The following PDE8B variants were observed in gnomAD, a reference collection of about 807,000 sequenced individuals.
The protein encoded by PDE8B is phosphodiesterase 8B, also known as high affinity cAMP-specific and IBMX-insensitive 3',5'-cyclic phosphodiesterase 8B.
Under a neutral mutation model 101.3 loss-of-function variants are expected in PDE8B, and 26 were observed. That is an observed-to-expected ratio of 0.26 (90% CI 0.19 to 0.36). The LOEUF is 0.36. Among genes scored for constraint, PDE8B ranks in the 10% least tolerant of loss-of-function variants. The probability of loss-of-function intolerance (pLI) is 1.00; values close to 1 mark genes in which losing one functional copy is unlikely to be tolerated. For missense variants in PDE8B, 810 were observed against 1,163.1 expected, an observed-to-expected ratio of 0.70 and a Z score of 4.42; for synonymous variants, 424 against 429.3, an observed-to-expected ratio of 0.99 and a Z score of 0.15.
At chr5:77,208,389 A>G (rs1206239002), upstream of PDE8B, among the ~76,000 whole-genome samples, 2 of 152,224 alleles carry the variant, frequency 1.3e-5, no homozygotes, top group Non-Finnish European at 1.5e-5. Flanking sequence ...GAAATGCTAT[A>G]TGCATTATCA....
intron 1 of PDE8B, among the ~76,000 whole-genome samples, chr5:77,225,050 CG>C (rs1752038176): frequency 6.6e-6 from 1 of 152,070 alleles, no homozygotes; most frequent in Non-Finnish European, 1.5e-5. Flanking sequence ...CTCTTGGAGA[CG>C]TTAGCAGCCA....
At chr5:77,205,878 C>T (rs1747462860), upstream of PDE8B, among the ~76,000 whole-genome samples, 1 of 152,026 alleles carries the variant, frequency 6.6e-6, no homozygotes, top group Non-Finnish European at 1.5e-5. Context: ...TTTGTTGAGC[C>T]ATTCCCTAAG....
At chr5:77,106,922 T>C in the PDE8B span, among the ~76,000 whole-genome samples, 530 of 152,220 alleles carry the variant, frequency 3.5e-3, 8 homozygotes, top group African/African-American at 0.012. Flanking sequence ...ATTATTATAC[T>C]TTAAGTTCTA....
intron 12 of PDE8B, 32 bp from the exon 13 acceptor site, chr5:77,407,349 A>C (rs1793678458): frequency 1.3e-6 from 2 of 1,591,974 alleles, no homozygotes; most frequent in East Asian, 4.5e-5. Flanking sequence ...GAGCCACCGG[A>C]ACTGGACACA....
chr5:77,330,836 G>T (rs1393686578), intron 4 of PDE8B, among the ~76,000 whole-genome samples: 1 of 152,188 alleles, frequency 6.6e-6, no homozygotes, highest in African/African-American at 2.4e-5. Flanking sequence ...AGACTCAGCA[G>T]TAAGCTCACT....
intron 1 of PDE8B, among the ~76,000 whole-genome samples, chr5:77,237,711 A>G (rs1177014245): frequency 6.6e-6 from 1 of 152,172 alleles, no homozygotes; most frequent in Non-Finnish European, 1.5e-5. Flanking sequence ...TGATGTTCCA[A>G]GTTTTCTCCT....
At chr5:77,396,307 A>G (rs763626851) in intron 10 of PDE8B, among the ~76,000 whole-genome samples, 31 of 152,172 alleles carry the variant, frequency 2.0e-4, no homozygotes, top group Admixed American at 3.9e-4. Context: ...CCCTTTGTAG[A>G]TAGCTTTGAG....
intron 1 of PDE8B, among the ~76,000 whole-genome samples, chr5:77,229,616 C>T (rs1753133065): frequency 6.6e-6 from 1 of 152,174 alleles, no homozygotes; most frequent in Non-Finnish European, 1.5e-5. Flanking sequence ...CACTCCTACC[C>T]CTGGCAACCA....
chr5:77,195,561 G>A, the PDE8B span, among the ~76,000 whole-genome samples: 1 of 152,006 alleles, frequency 6.6e-6, no homozygotes, highest in African/African-American at 2.4e-5. Context: ...CACTGTGGGG[G>A]TAAGGGATGC....
chr5:77,166,226 T>TAAAAAAA, the PDE8B span, among the ~76,000 whole-genome samples: 11 of 116,322 alleles, frequency 9.5e-5, no homozygotes, highest in African/African-American at 2.0e-4. Context: ...TCGGTAAAGA[T>TAAAAAAA]AAAAAAAAAA....
At chr5:77,136,138 T>C in the PDE8B span, among the ~76,000 whole-genome samples, 5 of 152,210 alleles carry the variant, frequency 3.3e-5, no homozygotes, top group African/African-American at 1.2e-4. Flanking sequence ...CTTTCTTATT[T>C]TCCAGTTACT....
chr5:77,336,279 A>G (rs6893108), intron 5 of PDE8B, among the ~76,000 whole-genome samples: 20,674 of 152,196 alleles, frequency 0.14, 1,529 homozygotes, highest in East Asian at 0.29. Context: ...ACAGTGTTGT[A>G]CAGCCACCAC....
chr5:77,218,598 G>A (rs113851437), intron 1 of PDE8B, among the ~76,000 whole-genome samples: 44 of 152,316 alleles, frequency 2.9e-4, no homozygotes, highest in Middle Eastern at 3.4e-3. Context: ...AGGGAGCCTC[G>A]TGAGTGAGAT....
rs115026861 is a variant in PDE8B at position 77,219,763 on chromosome 5, C to T, written c.339+8499C>T. On this transcript the variant is annotated intron_variant, in intron 1 of 21. Transcript: ENST00000264917. ...GAGAAATGGGGTCTCTGCAAGGAAA[C>T]AAAAGCCACCAATAGTGTTTGGAGC... Among the ~76,000 whole-genome samples, 1,062 of 152,258 alleles carry T rather than the reference C, an allele frequency of 7.0e-3. 14 individuals are homozygous for T. The highest frequency in any genetic ancestry group is 0.025 in the African/African-American group (1,028 of 41,546).
chr5:77,194,944 G>A, the PDE8B span, among the ~76,000 whole-genome samples: 1 of 152,150 alleles, frequency 6.6e-6, no homozygotes, highest in Non-Finnish European at 1.5e-5. Flanking sequence ...TCAGTTCTTT[G>A]GGGTATAAGC....
intron 6 of PDE8B, among the ~76,000 whole-genome samples, chr5:77,337,605 G>C (rs1455615751): frequency 6.6e-6 from 1 of 152,098 alleles, no homozygotes; most frequent in Non-Finnish European, 1.5e-5. Flanking sequence ...TCGAGATTAG[G>C]AATAGCCTTG....
chr5:77,352,769 GA>G (rs1781399786), intron 9 of PDE8B, among the ~76,000 whole-genome samples: 1 of 152,300 alleles, frequency 6.6e-6, no homozygotes, highest in South Asian at 2.1e-4. Flanking sequence ...GCATGGGGCT[GA>G]GGCACCTGTC....
chr5:77,305,963 T>C (rs766065701), intron 1 of PDE8B, among the ~76,000 whole-genome samples: 1 of 152,110 alleles, frequency 6.6e-6, no homozygotes, highest in Non-Finnish European at 1.5e-5. Context: ...AAGGAAGGGA[T>C]TCTAAAGGAG....
chr5:77,398,516 T>G (rs1465297934), intron 10 of PDE8B, among the ~76,000 whole-genome samples: 1 of 152,068 alleles, frequency 6.6e-6, no homozygotes, highest in Non-Finnish European at 1.5e-5. Context: ...GAGAGGGGGT[T>G]TCACCATGTT....
Sources: allele counts gnomAD v4.1 joint callset (sites outside exome capture counted in the v4.1 genomes callset), GRCh38; gene constraint gnomAD v4.1.1; transcripts MANE v1.5; gene names NCBI Gene and HGNC (gene_info 2026-07-23, HGNC 2026-07-21).